RTN4: variants seen among roughly 807,000 people sequenced by gnomAD.
The protein encoded by RTN4 is reticulon 4, also known as reticulon-4.
RTN4 carries 32 observed loss-of-function variants against 90.4 expected under a neutral mutation model. The observed-to-expected ratio is 0.35, with a 90% confidence interval of 0.27 to 0.48. The LOEUF is 0.48. Ranked by LOEUF, RTN4 falls within the 20% of genes least tolerant of loss-of-function variation. The probability of loss-of-function intolerance (pLI) is 0.99; values close to 1 mark genes in which losing one functional copy is unlikely to be tolerated. For missense variants in RTN4, 1,706 were observed against 1,430.2 expected, an observed-to-expected ratio of 1.19 and a Z score of -3.11; for synonymous variants, 629 against 552.5, an observed-to-expected ratio of 1.14 and a Z score of -1.94.
At chr2:55,109,585 C>A (rs1180003277) in intron 1 of RTN4, among the ~76,000 whole-genome samples, 2 of 151,464 alleles carry the variant, frequency 1.3e-5, no homozygotes, top group East Asian at 3.8e-4. Context: ...CTTGCTATGC[C>A]CCAATTCCCT....
chr2:54,974,593 C>A (rs1677454669), intron 6 of RTN4, 102 bp downstream of exon 6: 1 of 1,016,674 alleles, frequency 9.8e-7, no homozygotes, highest in Non-Finnish European at 1.5e-6. Flanking sequence ...CATTTTCATC[C>A]CCTACTTTTC....
At chr2:55,062,316 T>C (rs138054559) in intron 2 of RTN4, among the ~76,000 whole-genome samples, 3,736 of 151,904 alleles carry the variant, frequency 0.025, 78 homozygotes, top group South Asian at 0.036. Flanking sequence ...AGGGGTCTAA[T>C]TGAGCTGACT....
At chr2:54,986,493 T>C (rs150912534) in intron 4 of RTN4, among the ~76,000 whole-genome samples, 175 of 152,338 alleles carry the variant, frequency 1.1e-3, no homozygotes, top group African/African-American at 4.1e-3. Flanking sequence ...CAGACTGCAT[T>C]TGGCCATGGC....
Position 54,982,536 on chromosome 2 carries a change from A to C in RTN4, c.3339T>G (p.Asp1113Glu). The C allele has an allele frequency of 1.2e-6, 2 of 1,611,208 alleles. No individual in the cohort carries two copies. The highest frequency in any genetic ancestry group is 1.7e-6 in the Non-Finnish European group (2 of 1,179,302). ...TTACCTTCAGAGAATCAACTAAATC[A>C]TCAACTAAGAAGAGGCGCCTGAGTT... The part of the protein sequence containing the change: ...IKELRRLFLV[D>E]DLVDSLKFAV... Residue 1113 changes from aspartate to glutamate, a missense_variant, in exon 5 of 9, where the codon GAT (aspartate) becomes GAG (glutamate). Transcript: ENST00000337526.
intron 3 of RTN4, among the ~76,000 whole-genome samples, chr2:55,002,160 G>A (rs1230045865): frequency 1.3e-5 from 2 of 152,032 alleles, no homozygotes; most frequent in African/African-American, 4.8e-5. Flanking sequence ...CTGGGCTCAA[G>A]CAATCCTGCC....
At chr2:55,115,875 AT>A (rs1558886262), upstream of RTN4, among the ~76,000 whole-genome samples, 2 of 152,092 alleles carry the variant, frequency 1.3e-5, no homozygotes, top group African/African-American at 2.4e-5. Flanking sequence ...TCTTATGACC[AT>A]TTTTTAACCC....
chr2:55,083,988 T>G (rs1668788066), intron 1 of RTN4, among the ~76,000 whole-genome samples: 1 of 152,176 alleles, frequency 6.6e-6, no homozygotes, highest in Non-Finnish European at 1.5e-5. Context: ...TCTAATGAGG[T>G]GACTCTTCAT....
the RTN4 span, among the ~76,000 whole-genome samples, chr2:55,122,825 C>T: frequency 2.0e-5 from 3 of 152,370 alleles, no homozygotes; most frequent in Admixed American, 6.5e-5. Context: ...CCTGTCCCTG[C>T]ACCATCTGCA....
chr2:55,094,917 G>T (rs1275296212), intron 1 of RTN4, among the ~76,000 whole-genome samples: 3 of 152,166 alleles, frequency 2.0e-5, no homozygotes, highest in Non-Finnish European at 4.4e-5. Flanking sequence ...TTCAGATTTT[G>T]AATACCAATG....
chr2:55,113,164 A>T (rs901943600), upstream of RTN4, among the ~76,000 whole-genome samples: 3 of 152,226 alleles, frequency 2.0e-5, no homozygotes, highest in Non-Finnish European at 2.9e-5. Context: ...CTAGAAAAAT[A>T]AAAAGGCCAC....
In RTN4 at chr2:55,093,406, A is replaced by ATG. The variant is rs1470485590; in HGVS notation, c.-213-12768_-213-12767insCA. On this transcript the variant is annotated intron_variant, in intron 1 of 3. Transcript: ENST00000427710. The stretch of plus-strand genomic sequence containing the variant: ...ATTCTATATATATTTAATTTATTTT[A>ATG]TATATATATAGAATAAATTAAGCAA... Among the ~76,000 whole-genome samples the ATG allele has an allele frequency of 2.0e-5, 3 of 148,434 alleles. No homozygotes were observed. The Admixed American group carries it at 2.0e-4, about 10-fold the overall frequency.
intron 3 of RTN4, among the ~76,000 whole-genome samples, chr2:55,018,364 T>A (rs1477304945): frequency 6.6e-6 from 1 of 152,122 alleles, no homozygotes; most frequent in African/African-American, 2.4e-5. Context: ...TAATTGTATT[T>A]CAAATGAATA....
intron 1 of RTN4, among the ~76,000 whole-genome samples, chr2:55,099,341 A>G (rs111976972): frequency 8.5e-5 from 13 of 152,240 alleles, no homozygotes; most frequent in African/African-American, 2.9e-4. Flanking sequence ...TATTGCTGGT[A>G]TTATCCCTAC....
chr2:55,000,836 G>A (rs1033106123), intron 3 of RTN4, among the ~76,000 whole-genome samples: 3 of 152,044 alleles, frequency 2.0e-5, no homozygotes, highest in African/African-American at 7.2e-5. Context: ...ATTGAGACAG[G>A]AGACACAATT....
intron 1 of RTN4, among the ~76,000 whole-genome samples, chr2:55,104,515 T>C (rs989735983): frequency 6.6e-6 from 1 of 151,976 alleles, no homozygotes; most frequent in African/African-American, 2.4e-5. Flanking sequence ...CACATCTGGC[T>C]AATTTTTGTA....
intron 3 of RTN4, among the ~76,000 whole-genome samples, chr2:55,005,253 C>T (rs892450349): frequency 1.3e-5 from 2 of 152,088 alleles, no homozygotes; most frequent in African/African-American, 4.8e-5. Context: ...CGCTGTGACA[C>T]ACATAATTTA....
In RTN4 at chr2:55,112,513, C is replaced by T. The variant is rs75633910; in HGVS notation, c.-214+7G>A. The T allele has an allele frequency of 7.2e-5, 11 of 152,446 alleles. No individual in the cohort carries two copies. In the East Asian group the frequency reaches 2.1e-3, roughly 29 times the overall value. The allele number at this position is 152,446 out of a possible 1,614,324, so 9.4% of individuals were successfully genotyped here. A position where few individuals can be genotyped will look rare whatever the true frequency, so the allele number is the denominator to read the frequency against. ...CCAGAGGAAAGAATAGGAAGCTCCA[C>T]ACTGACCTCTAAGCTTTTTATAGAG... On this transcript the variant is annotated splice_region_variant and intron_variant, in intron 1 of 3. Transcript: ENST00000427710.
At chr2:55,045,810 T>G (rs996208018) in intron 1 of RTN4, among the ~76,000 whole-genome samples, 1 of 152,224 alleles carries the variant, frequency 6.6e-6, no homozygotes, top group Admixed American at 6.5e-5. Context: ...CGGTCTTAAT[T>G]AACCTTGGTT....
intron 3 of RTN4, chr2:55,010,181 G>A: frequency 1.2e-6 from 2 of 1,610,008 alleles, no homozygotes; most frequent in Non-Finnish European, 1.7e-6. Context: ...CAGAAAAGCT[G>A]TAACTGCACA....
Sources: allele counts gnomAD v4.1 joint callset (sites outside exome capture counted in the v4.1 genomes callset), GRCh38; gene constraint gnomAD v4.1.1; transcripts MANE v1.5; gene names NCBI Gene and HGNC (gene_info 2026-07-23, HGNC 2026-07-21).